The following GLI2 variants were observed in gnomAD, a reference collection of about 807,000 sequenced individuals.
GLI2 encodes the protein GLI family zinc finger 2.
A neutral mutation model predicts 78.9 loss-of-function variants in GLI2; 22 were observed. That is an observed-to-expected ratio of 0.28 (90% CI 0.20 to 0.40). The LOEUF (loss-of-function observed/expected upper bound fraction) is 0.40. GLI2 is among the 10% of genes least tolerant of loss of function. The pLI is 1.00. For missense variants in GLI2, 2,097 were observed against 2,213.2 expected (o/e 0.95, Z 1.05); for synonymous variants, 974 against 963.7 (o/e 1.01, Z -0.20).
At chr2:120,791,335 G>A (rs1684150009) in intron 1 of GLI2, among the ~76,000 whole-genome samples, 1 of 152,182 alleles carries the variant, frequency 6.6e-6, no homozygotes, top group African/African-American at 2.4e-5. Flanking sequence ...TGGCATTGTG[G>A]CACTGGACTG....
chr2:120,770,371 C>T (rs1683488681), intron 1 of GLI2, among the ~76,000 whole-genome samples: 3 of 152,148 alleles, frequency 2.0e-5, no homozygotes, highest in South Asian at 4.1e-4. Context: ...GCTTCAGGAC[C>T]CATAGGGGTT....
Position 120,817,838 on chromosome 2 carries a change from T to C in GLI2, c.148+20370T>C, listed in dbSNP as rs541317434. On this transcript the variant is annotated intron_variant, in intron 2 of 13. Transcript: ENST00000361492. ...GGGCGTAGCGTCCTCACCCACTCGC[T>C]CGTATGGAGCAAACCTAAGAGACCC... Among the ~76,000 whole-genome samples, 8 of 151,990 alleles carry C rather than the reference T, an allele frequency of 5.3e-5. No homozygotes were observed. The South Asian group carries it at 1.7e-3, about 32-fold the overall frequency.
intron 2 of GLI2, among the ~76,000 whole-genome samples, chr2:120,861,486 C>T (rs1246558475): frequency 6.6e-6 from 1 of 152,202 alleles, no homozygotes; most frequent in Non-Finnish European, 1.5e-5. Context: ...ACGCTATAGT[C>T]ATCCAGTCTC....
chr2:120,799,097 C>T (rs915674960), intron 2 of GLI2, among the ~76,000 whole-genome samples: 36 of 152,188 alleles, frequency 2.4e-4, no homozygotes, highest in Non-Finnish European at 1.0e-4. Context: ...ATGTAATTGC[C>T]GGGGAGCCCC....
chr2:120,948,908 AG>A (rs557099948), intron 3 of GLI2, among the ~76,000 whole-genome samples: 102 of 152,256 alleles, frequency 6.7e-4, no homozygotes, highest in African/African-American at 2.4e-3. Flanking sequence ...AGGACCGAGA[AG>A]TCAGGACAGA....
chr2:120,896,204 TC>T (rs1219333337), intron 2 of GLI2, among the ~76,000 whole-genome samples: 1 of 152,152 alleles, frequency 6.6e-6, no homozygotes, highest in Non-Finnish European at 1.5e-5. Context: ...CTCAGATTTC[TC>T]CCTCCCTTCT....
intron 2 of GLI2, among the ~76,000 whole-genome samples, chr2:120,890,046 C>G (rs1677602865): frequency 6.6e-6 from 1 of 152,198 alleles, no homozygotes; most frequent in Non-Finnish European, 1.5e-5. Context: ...TGTCCCCAAA[C>G]TGGAAACAGC....
Position 120,988,240 on chromosome 2 carries a change from G to A in GLI2, c.2275G>A (p.Gly759Ser), listed in dbSNP as rs776418663. 3 of 1,585,618 alleles carry A rather than the reference G, an allele frequency of 1.9e-6. No individual in the cohort carries two copies. Residue 759 changes from glycine to serine, a missense_variant, in exon 14 of 14, where the codon GGC becomes AGC. By Grantham distance (56) the Gly-to-Ser change is moderately conservative. Transcript: ENST00000361492. The part of the protein sequence containing the change: ...SILENFSGSG[G>S]GGPAGLLPNP... ...CCTGGAAAACTTCAGTGGCAGTGGG[G>A]GCGGCGGGCCCGCGGGGCTGCTGCC...
In GLI2 at chr2:120,737,783, G is replaced by A. The variant is rs1372406141; in HGVS notation, c.-31+1498G>A. 6.6e-6 allele frequency among the ~76,000 whole-genome samples: 1 copy of A among 152,260 alleles called. No individual in the cohort carries two copies. The highest frequency in any genetic ancestry group is 1.5e-5 in the Non-Finnish European group (1 of 68,036). ...AAAGTAAACGTTTCCCTCGCAAGCA[G>A]CATAAAATAGTGTTTAAACAAATAT... On this transcript the variant is annotated intron_variant, in intron 1 of 13. Coordinates refer to ENST00000361492, the MANE Select transcript of GLI2 (RefSeq NM_001374353.1). The surrounding 1 kb of genome is among the most constrained non-coding windows in gnomAD (Gnocchi z 4.3).
At chr2:120,954,721 T>C (rs565879216) in intron 4 of GLI2, among the ~76,000 whole-genome samples, 1 of 152,136 alleles carries the variant, frequency 6.6e-6, no homozygotes, top group Non-Finnish European at 1.5e-5. Context: ...ACCTCAGGGT[T>C]GAAGCAGACA....
chr2:120,856,638 G>A (rs1051445549), intron 2 of GLI2, among the ~76,000 whole-genome samples: 2 of 152,036 alleles, frequency 1.3e-5, no homozygotes, highest in Non-Finnish European at 2.9e-5. Flanking sequence ...TCATGGCACC[G>A]GAACCTCCAG....
At chr2:120,825,465 TGTGA>T (rs1476075974) in intron 2 of GLI2, among the ~76,000 whole-genome samples, 2 of 138,976 alleles carry the variant, frequency 1.4e-5, no homozygotes, top group Non-Finnish European at 3.0e-5. Flanking sequence ...TGCTCCTGGC[TGTGA>T]GTGTGCATCT....
rs757467621 is a variant in GLI2, at chr2:120,972,038, C to T, written c.1157C>T (p.Pro386Leu). The change falls in exon 8 of 14, where the codon CCG (proline) becomes CTG (leucine). Residue 386 changes from proline (P) to leucine (L), a missense_variant. By Grantham distance (98) the Pro-to-Leu change is moderately conservative. This residue lies in a region of GLI2 where 578 missense variants were observed against 612.0 expected (regional missense o/e 0.94). Coordinates refer to ENST00000361492, the MANE Select transcript of GLI2 (RefSeq NM_001374353.1). ...KVKTEPEGLR[P>L]ASPLALTQEQ... The stretch of plus-strand genomic sequence containing the variant: ...AAGACCGAGCCTGAGGGCCTGCGGC[C>T]GGCCTCCCCTCTGGCGCTGACGCAG... 9 of 1,613,220 alleles carry T rather than the reference C, an allele frequency of 5.6e-6. No individual in the cohort carries two copies. The Admixed American group carries it at 8.3e-5, about 15-fold the overall frequency.
chr2:120,738,362 G>A (rs1682432362), intron 1 of GLI2, among the ~76,000 whole-genome samples: 1 of 152,104 alleles, frequency 6.6e-6, no homozygotes, highest in Non-Finnish European at 1.5e-5. Context: ...TTTTTCCCTG[G>A]GATTCGAATT....
intron 1 of GLI2, among the ~76,000 whole-genome samples, chr2:120,768,452 G>C (rs1306455779): frequency 6.6e-6 from 1 of 152,234 alleles, no homozygotes; most frequent in Non-Finnish European, 1.5e-5. Flanking sequence ...CCTGCAGGCT[G>C]AGAGCAGGTG....
intron 1 of GLI2, among the ~76,000 whole-genome samples, chr2:120,783,768 G>C (rs546209206): frequency 1.3e-5 from 2 of 152,264 alleles, no homozygotes; most frequent in East Asian, 3.9e-4. Flanking sequence ...TATCCACGTT[G>C]ATTTAAGAGA....
intron 3 of GLI2, among the ~76,000 whole-genome samples, chr2:120,942,979 CTCATTCAT>C (rs1056149202): frequency 6.7e-6 from 1 of 149,644 alleles, no homozygotes; most frequent in East Asian, 1.9e-4. Flanking sequence ...CCCTCACTCA[CTCATTCAT>C]TCATTCATTC....
intron 3 of GLI2, among the ~76,000 whole-genome samples, chr2:120,940,460 CTCTTA>C (rs1441641350): frequency 6.6e-6 from 1 of 152,210 alleles, no homozygotes; most frequent in Non-Finnish European, 1.5e-5. Context: ...CCATTCCATT[CTCTTA>C]TAAGAGTCTG....
At chr2:120,891,781 C>T (rs1054564320) in intron 2 of GLI2, among the ~76,000 whole-genome samples, 2 of 152,184 alleles carry the variant, frequency 1.3e-5, no homozygotes, top group African/African-American at 4.8e-5. Flanking sequence ...TTGCCCTTTC[C>T]ATGCACCCTG....
Sources: allele counts gnomAD v4.1 joint callset (sites outside exome capture counted in the v4.1 genomes callset), GRCh38; gene constraint gnomAD v4.1.1; regional missense constraint gnomAD v4.1.1; non-coding constraint Gnocchi (gnomAD v3.1); transcripts MANE v1.5; gene names NCBI Gene and HGNC (gene_info 2026-07-23, HGNC 2026-07-21).